The following TEX14 variants were observed in gnomAD, a reference collection of about 807,000 sequenced individuals.
TEX14 encodes inactive serine/threonine-protein kinase TEX14.
TEX14 carries 168 observed loss-of-function variants against 178.6 expected under a neutral mutation model. That is an observed-to-expected ratio of 0.94 (90% CI 0.83 to 1.07). The LOEUF (loss-of-function observed/expected upper bound fraction) is 1.07, where lower values mean the gene tolerates loss of function less well. Among genes scored for constraint, TEX14 ranks in the 50% least tolerant of loss-of-function variants. The pLI is 0.00. For missense variants in TEX14, 1,730 were observed against 1,753.6 expected (o/e 0.99, Z 0.24); for synonymous variants, 626 against 634.1 (o/e 0.99, Z 0.19).
intron 18 of TEX14, among the ~76,000 whole-genome samples, chr17:58,585,451 A>AT (rs1333858692): frequency 5.9e-5 from 9 of 151,694 alleles, no homozygotes; most frequent in Non-Finnish European, 1.2e-4. Context: ...TTTTACTTTT[A>AT]TTTTTATTTT....
intron 10 of TEX14, among the ~76,000 whole-genome samples, chr17:58,606,897 A>G (rs904172447): frequency 1.3e-4 from 20 of 151,316 alleles, no homozygotes; most frequent in Non-Finnish European, 2.7e-4. Context: ...GCATGGTGGC[A>G]CGTGCCTGTA....
At chr17:58,688,683 C>G (rs1398823495) in intron 1 of TEX14, among the ~76,000 whole-genome samples, 1 of 152,068 alleles carries the variant, frequency 6.6e-6, no homozygotes, top group African/African-American at 2.4e-5. Flanking sequence ...TGGTAACTTC[C>G]AGACATGTGA....
At chr17:58,663,814 T>C (rs1460138012) in intron 1 of TEX14, among the ~76,000 whole-genome samples, 1 of 152,106 alleles carries the variant, frequency 6.6e-6, no homozygotes, top group East Asian at 1.9e-4. Flanking sequence ...GCCAAATCCA[T>C]TCACTCCTGA....
intron 31 of TEX14, among the ~76,000 whole-genome samples, chr17:58,557,551 A>G (rs564036376): frequency 4.9e-4 from 74 of 152,070 alleles, no homozygotes; most frequent in Non-Finnish European, 9.3e-4. Flanking sequence ...GATTACAAGT[A>G]TGAGCCACCG....
intron 2 of TEX14, among the ~76,000 whole-genome samples, chr17:58,642,558 G>A (rs1033030791): frequency 3.3e-5 from 5 of 149,540 alleles, no homozygotes; most frequent in Non-Finnish European, 7.4e-5. Flanking sequence ...ATGGAGTTTC[G>A]CTCTTGTTGA....
intron 14 of TEX14, among the ~76,000 whole-genome samples, 176 bp from the exon 15 acceptor site, chr17:58,593,837 T>C (rs904446629): frequency 2.0e-5 from 3 of 152,136 alleles, no homozygotes; most frequent in Non-Finnish European, 4.4e-5. Context: ...GGTCTTTTTT[T>C]GTTTTGCTTT....
rs1443447673 is a variant in TEX14 at position 58,613,500 on chromosome 17, A to G, written c.926T>C (p.Leu309Pro). The change falls in exon 9 of 32, where the codon CTC (leucine) becomes CCC (proline). Residue 309 changes from leucine to proline, a missense_variant. By Grantham distance (98) the Leu-to-Pro change is moderately conservative. Transcript: ENST00000349033. Reference protein sequence around the residue: ...PYLLQLMAVCLSQDLEKTRLV... With the variant: ...PYLLQLMAVCPSQDLEKTRLV... ...GCGGGTTTTCTCTAGGTCCTGGGAG[A>G]GACACACAGCCATCAACTGTAGCAA... 6.2e-7 allele frequency: 1 copy of G among 1,614,130 alleles called. No individual in the cohort carries two copies. Among genetic ancestry groups the G allele is most frequent in the African/African-American group, 1.3e-5 (1 of 75,042 alleles).
At chr17:58,665,150 A>G (rs917593411) in intron 1 of TEX14, among the ~76,000 whole-genome samples, 3 of 151,892 alleles carry the variant, frequency 2.0e-5, no homozygotes, top group African/African-American at 7.2e-5. Flanking sequence ...TAGCTATATT[A>G]TTATTTTTAT....
At chr17:58,662,575 G>C (rs1661613311) in intron 1 of TEX14, among the ~76,000 whole-genome samples, 1 of 151,930 alleles carries the variant, frequency 6.6e-6, no homozygotes. Flanking sequence ...GTGTGGGGAA[G>C]GGCAGCAACA....
chr17:58,637,000 G>A (rs541860933), intron 2 of TEX14, among the ~76,000 whole-genome samples: 1 of 152,286 alleles, frequency 6.6e-6, no homozygotes, highest in Admixed American at 6.5e-5. Context: ...GCAGAAGCGG[G>A]TGAATCACTT....
At chr17:58,670,839 C>T (rs2047294326) in intron 1 of TEX14, among the ~76,000 whole-genome samples, 1 of 142,116 alleles carries the variant, frequency 7.0e-6, no homozygotes, top group Admixed American at 7.2e-5. Flanking sequence ...TTCCTGAAAG[C>T]ATATGTTAAG....
At chr17:58,612,497 G>A (rs941868759) in intron 9 of TEX14, among the ~76,000 whole-genome samples, 2 of 152,102 alleles carry the variant, frequency 1.3e-5, no homozygotes, top group Non-Finnish European at 2.9e-5. Flanking sequence ...CACTTTAGGA[G>A]GCTGAGACAG....
chr17:58,595,871 A>G (rs1006229103), intron 14 of TEX14, among the ~76,000 whole-genome samples: 1 of 152,244 alleles, frequency 6.6e-6, no homozygotes, highest in Non-Finnish European at 1.5e-5. Flanking sequence ...GCAGCAATAG[A>G]TAACAAAATA....
In TEX14 at chr17:58,659,283, T is replaced by C. The variant is rs145426057; in HGVS notation, c.-1-7281A>G. ...AAACACTTTATCAGGACCAACAGCG[T>C]CTCTCCCCCGCCACAAAGACATTAT... On this transcript the variant is annotated intron_variant, in intron 1 of 31. Transcript: ENST00000349033. 40 of 941,470 alleles carry C rather than the reference T, an allele frequency of 4.2e-5. No individual in the cohort carries two copies. In the South Asian group the frequency reaches 8.3e-4, roughly 20 times the overall value. The allele number at this position is 941,470 out of a possible 1,614,324, so 58.3% of individuals were successfully genotyped here. A position where few individuals can be genotyped will look rare whatever the true frequency, so the allele number is the denominator to read the frequency against.
chr17:58,607,848 C>T (rs1238194575), intron 10 of TEX14, among the ~76,000 whole-genome samples: 1 of 152,224 alleles, frequency 6.6e-6, no homozygotes, highest in Non-Finnish European at 1.5e-5. Context: ...CATTTACCGG[C>T]CAGCCGTAGT....
chr17:58,586,394 T>C (rs2044975396), intron 17 of TEX14, among the ~76,000 whole-genome samples: 1 of 152,158 alleles, frequency 6.6e-6, no homozygotes, highest in Non-Finnish European at 1.5e-5. Flanking sequence ...AAAAATGACA[T>C]CTATAGTTCT....
rs1339882803 is a variant in TEX14, at chr17:58,587,893, T to C, written c.2702+3A>G. 3 of 1,439,102 alleles carry C rather than the reference T, an allele frequency of 2.1e-6. No individual in the cohort carries two copies. The highest frequency in any genetic ancestry group is 1.4e-5 in the African/African-American group (1 of 70,370). 89.1% of individuals were successfully genotyped at this position (1,439,102 alleles called of 1,614,324 possible). On this transcript the variant is annotated splice_donor_region_variant and intron_variant, in intron 16 of 31. Transcript: ENST00000349033. ...CCAGTTTCCAGCCCACAAGGATCCT[T>C]ACCTGGTAGAGTCCCAGTGACAGCT...
In TEX14 at chr17:58,585,954, T is replaced by TG. The variant is rs1175886165; in HGVS notation, c.2916dup (p.Ile973HisfsTer2). The TG allele has an allele frequency of 2.5e-6, 4 of 1,613,978 alleles. No homozygotes were observed. In the South Asian group the frequency reaches 3.3e-5, roughly 13 times the overall value. On this transcript the variant is annotated frameshift_variant, in exon 18 of 32. Transcript: ENST00000349033. LOFTEE classifies it high-confidence loss of function. ...CAATCCGTGTTTTCTGGGCTCCTAA[T>TG]GGGGGGCTGCAGCAGGGCGTCGGGC...
chr17:58,646,409 G>C (rs1414829591), intron 2 of TEX14, among the ~76,000 whole-genome samples: 1 of 152,098 alleles, frequency 6.6e-6, no homozygotes. Context: ...CACCCCACTG[G>C]TTTTCCCGTC....
Sources: gnomAD v4.1 joint callset for allele counts (sites outside exome capture counted in the v4.1 genomes callset) on GRCh38, gnomAD v4.1.1 for gene constraint, MANE v1.5 for transcripts, NCBI Gene and HGNC (gene_info 2026-07-23, HGNC 2026-07-21) for gene names.